Variants in PGC observed in about 807,000 individuals in gnomAD.
The protein encoded by PGC is gastricsin.
A neutral mutation model predicts 45.9 loss-of-function variants in PGC; 31 were observed. The observed-to-expected ratio is 0.67, with a 90% CI of 0.51 to 0.91. PGC has a LOEUF of 0.91. Ranked by LOEUF, PGC falls within the 40% of genes least tolerant of loss-of-function variation. The pLI, the probability that PGC is intolerant of heterozygous loss-of-function variation, is 0.00. For missense variants in PGC, 477 were observed against 493.2 expected (o/e 0.97, Z 0.31); for synonymous variants, 192 against 201.8 (o/e 0.95, Z 0.41).
At chr6:41,746,563 A>G (rs1214813124) in intron 1 of PGC, among the ~76,000 whole-genome samples, 1 of 152,200 alleles carries the variant, frequency 6.6e-6, no homozygotes, top group East Asian at 1.9e-4. Flanking sequence ...AGGCTCCAGA[A>G]TTCTGCTTAA....
At chr6:41,741,113 T>TA in intron 5 of PGC, 1 of 1,537,190 alleles carries the variant, frequency 6.5e-7, no homozygotes, top group Non-Finnish European at 8.7e-7. Context: ...CCCAGCTTGT[T>TA]ACTTTTCTGC....
At position 41,736,759 on chromosome 6, in the gene PGC, A is replaced by C; in HGVS notation, c.*93T>G. 1 of 1,283,516 alleles carries C rather than the reference A, an allele frequency of 7.8e-7. No homozygotes were observed. Among genetic ancestry groups the C allele is most frequent in the Non-Finnish European group, 1.1e-6 (1 of 879,672 alleles). 79.5% of individuals were successfully genotyped at this position (1,283,516 alleles called of 1,614,324 possible). On this transcript the variant is annotated 3_prime_UTR_variant, in exon 9 of 9. Coordinates refer to ENST00000373025, the MANE Select transcript of PGC (RefSeq NM_002630.4). ...GAGAAAGTCCAGAGTCCAGAAAAAGAAGGCTGAATCCAGAGTGGAAAGACA... is the reference window on the plus strand; with the variant it reads ...GAGAAAGTCCAGAGTCCAGAAAAAGCAGGCTGAATCCAGAGTGGAAAGACA...
Position 41,737,716 on chromosome 6 carries a change from G to A in PGC, c.1014+14C>T. 1.3e-6 allele frequency: 2 copies of A among 1,496,114 alleles called. No homozygotes were observed. Among genetic ancestry groups the A allele is most frequent in the Non-Finnish European group, 1.9e-6 (2 of 1,072,726 alleles). The allele number at this position is 1,496,114 out of a possible 1,614,324, so 92.7% of individuals were successfully genotyped here. A position where few individuals can be genotyped will look rare whatever the true frequency, so the allele number is the denominator to read the frequency against. ...CCAATCATGGTGGCTCAGCCTGCAG[G>A]GACCAGGACTTACACTGAGGATATA... On this transcript the variant is annotated intron_variant, in intron 8 of 8. Coordinates refer to ENST00000373025, the MANE Select transcript of PGC (RefSeq NM_002630.4).
rs764792092 is a variant in PGC at position 41,736,998 on chromosome 6, C to T, written c.1021G>A (p.Gly341Ser). The T allele has an allele frequency of 2.5e-6, 4 of 1,612,970 alleles. No homozygotes were observed. The highest frequency in any genetic ancestry group is 1.1e-5 in the South Asian group (1 of 91,022). The change falls in exon 9 of 9, where the codon GGC (glycine) becomes AGC (serine). Residue 341 changes from glycine (G) to serine (S), a missense_variant. Gly to Ser is a moderately conservative substitution (Grantham distance 56). Coordinates refer to ENST00000373025, the MANE Select transcript of PGC (RefSeq NM_002630.4). ...PPSSYILSNN[G>S]YCTVGVEPTY... ...GGCTCGACTCCCACGGTGCAGTAGC[C>T]GTTGTTCTGCTCAACAAAGAAAGGC...
At chr6:41,743,481 T>C in intron 3 of PGC, 92 bp from the exon 4 acceptor site, 1 of 814,450 alleles carries the variant, frequency 1.2e-6, no homozygotes, top group East Asian at 2.4e-5. Flanking sequence ...AGCCTCTCGC[T>C]CAGGCTGCGC....
At position 41,738,153 on chromosome 6, in the gene PGC, T is replaced by TGC. The variant is rs1468901833; in HGVS notation, c.916-326_916-325insGC. 1.7e-4 allele frequency among the ~76,000 whole-genome samples: 7 copies of TGC among 42,182 alleles called. 1 individual carries two copies. Among genetic ancestry groups the TGC allele is most frequent in the African/African-American group, 5.2e-4 (7 of 13,558 alleles). The allele number at this position is 42,182 out of a possible 152,430, so 27.7% of individuals were successfully genotyped here. A position where few individuals can be genotyped will look rare whatever the true frequency, so the allele number is the denominator to read the frequency against. On this transcript the variant is annotated intron_variant, in intron 7 of 8. Coordinates refer to ENST00000373025, the MANE Select transcript of PGC (RefSeq NM_002630.4). ...ATATGCATATATATATGCATATATA[T>TGC]ATACATATATATGCATATATATATA...
In PGC at chr6:41,742,426, A is replaced by G. The variant is rs1157880829; in HGVS notation, c.511T>C (p.Phe171Leu). 2 of 1,613,968 alleles carry G rather than the reference A, an allele frequency of 1.2e-6. No individual in the cohort carries two copies. The highest frequency in any genetic ancestry group is 1.3e-5 in the African/African-American group (1 of 74,898). Residue 171 changes from phenylalanine to leucine, a missense_variant, in exon 5 of 9, where the codon TTC (phenylalanine) becomes CTC (leucine). Coordinates refer to ENST00000373025, the MANE Select transcript of PGC (RefSeq NM_002630.4). ...GLSENEPGTN[F>L]VYAQFDGIMG... ...ATGCCATCAAACTGCGCATAGACGA[A>G]GTTGGTACCAGGCTCATTCTCACTC...
rs73422073 is a variant in PGC, at chr6:41,743,790, C to A, written c.329-401G>T. On this transcript the variant is annotated intron_variant, in intron 3 of 8. Transcript: ENST00000373025. ...GCCCTCCAGGGCATCCCCAAGTACTCCCCACCTTCACTCATCAAGAAGCCA... is the reference window on the plus strand; with the variant it reads ...GCCCTCCAGGGCATCCCCAAGTACTACCCACCTTCACTCATCAAGAAGCCA... Among the ~76,000 whole-genome samples, 523 of 152,326 alleles carry A rather than the reference C, an allele frequency of 3.4e-3. 3 individuals carry two copies. The highest frequency in any genetic ancestry group is 0.011 in the African/African-American group (478 of 41,570).
In PGC at chr6:41,736,802, G is replaced by A. The variant is rs368242530; in HGVS notation, c.*50C>T. ...GAAAGACAGATACAATGCCCTAGGA[G>A]GGTGCAGGGTCAAGAGGAAGAGGGG... On this transcript the variant is annotated 3_prime_UTR_variant, in exon 9 of 9. Coordinates refer to ENST00000373025, the MANE Select transcript of PGC (RefSeq NM_002630.4). 12 of 1,594,674 alleles carry A rather than the reference G, an allele frequency of 7.5e-6. No homozygotes were observed. The highest frequency in any genetic ancestry group is 1.0e-5 in the Non-Finnish European group (12 of 1,162,760).
rs994048466 is a variant in PGC, at chr6:41,736,874, A to G, written c.1145T>C (p.Val382Ala). The G allele has an allele frequency of 5.6e-6, 9 of 1,613,866 alleles. No individual in the cohort carries two copies. The highest frequency in any genetic ancestry group is 7.6e-6 in the Non-Finnish European group (9 of 1,179,984). The change falls in exon 9 of 9, where the codon GTA becomes GCA. Residue 382 changes from valine (V) to alanine (A), a missense_variant. Transcript: ENST00000373025. ...YSVYDLGNNRVGFATAA is the reference protein window; with the variant it reads ...YSVYDLGNNRAGFATAA ...AGTCTAGGCGGCAGTGGCAAAGCCT[A>G]CTCTGTTGTTGCCCAAGTCGTAGAC...
In PGC at chr6:41,742,280, G is replaced by C; in HGVS notation, c.647+10C>G. 1.9e-6 allele frequency: 3 copies of C among 1,612,000 alleles called. No homozygotes were observed. The highest frequency in any genetic ancestry group is 1.7e-6 in the Non-Finnish European group (2 of 1,178,656). Reference sequence around the variant, plus strand: ...CCCGGGAGGTGGGGACTGGCCAGCTGGTTGCTCACTTGCTGAGGTAGACGC... The same window carrying C: ...CCCGGGAGGTGGGGACTGGCCAGCTCGTTGCTCACTTGCTGAGGTAGACGC... On this transcript the variant is annotated intron_variant, in intron 5 of 8. Coordinates refer to ENST00000373025, the MANE Select transcript of PGC (RefSeq NM_002630.4).
intron 5 of PGC, chr6:41,740,871 C>T: frequency 7.0e-7 from 1 of 1,432,312 alleles, no homozygotes; most frequent in Non-Finnish European, 9.1e-7. Context: ...CAGACTGGGG[C>T]TCCCTGAGGA....
Position 41,744,915 on chromosome 6 carries a change from C to T in PGC, c.60-107G>A, listed in dbSNP as rs1436188962. ...ACTGCATGCTTCAACCTCCCTGCCA[C>T]TCTGTTTGTTCCCCCTTGTCTGTGT... On this transcript the variant is annotated intron_variant, in intron 1 of 8. Coordinates refer to ENST00000373025, the MANE Select transcript of PGC (RefSeq NM_002630.4). The surrounding 1 kb of genome is among the most constrained non-coding windows in gnomAD (Gnocchi z 4.4). 2.1e-6 allele frequency: 2 copies of T among 965,972 alleles called. No homozygotes were observed. Among genetic ancestry groups the T allele is most frequent in the Admixed American group, 2.2e-5 (1 of 45,874 alleles). 59.8% of individuals were successfully genotyped at this position (965,972 alleles called of 1,614,324 possible). A position where few individuals can be genotyped will look rare whatever the true frequency, so the allele number is the denominator to read the frequency against.
rs1561879532 is a variant in PGC at position 41,738,132 on chromosome 6, G to GCATATATATA, written c.916-314_916-305dup. On this transcript the variant is annotated intron_variant, in intron 7 of 8. Coordinates refer to ENST00000373025, the MANE Select transcript of PGC (RefSeq NM_002630.4). ...TGCAAGTGCCTATATACATATATAT[G>GCATATATATA]CATATATATATGCATATATATATAC... is the stretch of plus-strand genomic sequence containing the variant. Among the ~76,000 whole-genome samples, 179 of 65,904 alleles carry GCATATATATA rather than the reference G, an allele frequency of 2.7e-3. 18 individuals carry two copies. The highest frequency in any genetic ancestry group is 8.1e-3 in the African/African-American group (172 of 21,152). The allele number at this position is 65,904 out of a possible 152,430, so 43.2% of individuals were successfully genotyped here. A position where few individuals can be genotyped will look rare whatever the true frequency, so the allele number is the denominator to read the frequency against.
intron 7 of PGC, among the ~76,000 whole-genome samples, chr6:41,738,135 T>TATATATATACATATATATAC (rs1561879556): frequency 1.0e-5 from 1 of 99,642 alleles, no homozygotes; most frequent in South Asian, 3.1e-4. Flanking sequence ...TATATATGCA[T>TATATATATACATATATATAC]ATATATATGC....
At position 41,744,295 on chromosome 6, in the gene PGC, G is replaced by A; in HGVS notation, c.328+102C>T. The A allele has an allele frequency of 1.3e-6, 1 of 749,634 alleles. No homozygotes were observed. The highest frequency in any genetic ancestry group is 2.5e-5 in the East Asian group (1 of 40,332). The allele number at this position is 749,634 out of a possible 1,614,324, so 46.4% of individuals were successfully genotyped here. A position where few individuals can be genotyped will look rare whatever the true frequency, so the allele number is the denominator to read the frequency against. On this transcript the variant is annotated intron_variant, in intron 3 of 8. Transcript: ENST00000373025. This position sits in a 1 kb window ranked among gnomAD's most constrained non-coding sequence, Gnocchi z 4.4. ...TGTCCCTGGTCCTCCCCAGGACTGAGCTCCCCTCAGTCCTGAGCTCCCTCT... is the reference window on the plus strand; with the variant it reads ...TGTCCCTGGTCCTCCCCAGGACTGAACTCCCCTCAGTCCTGAGCTCCCTCT...
At position 41,742,409 on chromosome 6, in the gene PGC, A is replaced by G; in HGVS notation, c.528T>C (p.Phe176=). The G allele has an allele frequency of 6.2e-7, 1 of 1,614,152 alleles. No homozygotes were observed. The highest frequency in any genetic ancestry group is 8.5e-7 in the Non-Finnish European group (1 of 1,180,012). ...GGTAGGCCAGGCCCATGATGCCATC[A>G]AACTGCGCATAGACGAAGTTGGTAC... ...EPGTNFVYAQ[F]DGIMGLAYPA... Residue 176 remains phenylalanine (F), a synonymous_variant, in exon 5 of 9, where the codon TTT becomes TTC. Coordinates refer to ENST00000373025, the MANE Select transcript of PGC (RefSeq NM_002630.4).
At position 41,736,732 on chromosome 6, in the gene PGC, TA is replaced by T. The variant is rs1771687193; in HGVS notation, c.*119del. On this transcript the variant is annotated 3_prime_UTR_variant, in exon 9 of 9. Coordinates refer to ENST00000373025, the MANE Select transcript of PGC (RefSeq NM_002630.4). The stretch of plus-strand genomic sequence containing the variant: ...AACATAAAGAAGAACTATTTATTAT[TA>T]GAGAAAGTCCAGAGTCCAGAAAAAG... 9.6e-7 allele frequency: 1 copy of T among 1,043,008 alleles called. No homozygotes were observed. Among genetic ancestry groups the T allele is most frequent in the Non-Finnish European group, 1.5e-6 (1 of 667,894 alleles). The allele number at this position is 1,043,008 out of a possible 1,614,324, so 64.6% of individuals were successfully genotyped here. A position where few individuals can be genotyped will look rare whatever the true frequency, so the allele number is the denominator to read the frequency against.
At chr6:41,743,460 G>C in intron 3 of PGC, 71 bp from the exon 4 acceptor site, 1 of 936,290 alleles carries the variant, frequency 1.1e-6, no homozygotes, top group Non-Finnish European at 1.8e-6. Context: ...GGCCTGCCGG[G>C]TTCCCACCTC....
Sources: allele counts gnomAD v4.1 joint callset (sites outside exome capture counted in the v4.1 genomes callset), GRCh38; gene constraint gnomAD v4.1.1; non-coding constraint Gnocchi (gnomAD v3.1); transcripts MANE v1.5; gene names NCBI Gene and HGNC (gene_info 2026-07-23, HGNC 2026-07-21).